OSBPL11: variants seen among roughly 807,000 people sequenced by gnomAD.
The protein encoded by OSBPL11 is oxysterol binding protein like 11.
In OSBPL11, 33 loss-of-function variants were observed where a neutral mutation model predicts 84.4. The ratio of observed to expected loss-of-function variants is 0.39; its 90% CI spans 0.30 to 0.52. OSBPL11 has a LOEUF of 0.52. Among genes scored for constraint, OSBPL11 ranks in the 20% least tolerant of loss-of-function variants. OSBPL11 has a pLI of 0.72. For synonymous variants in OSBPL11, 276 were observed against 310.2 expected, an observed-to-expected ratio of 0.89 and a Z score of 1.16; for missense variants, 736 against 901.1, an observed-to-expected ratio of 0.82 and a Z score of 2.35.
rs1936652600 is a variant in OSBPL11, at chr3:125,594,676, C to T, written c.125G>A (p.Ser42Asn). The T allele has an allele frequency of 6.2e-7, 1 of 1,613,914 alleles. No individual in the cohort carries two copies. Among genetic ancestry groups the T allele is most frequent in the Non-Finnish European group, 8.5e-7 (1 of 1,180,044 alleles). ...SSCGGGISSS[S>N]SSRGGSAKGW... Reference sequence around the variant, plus strand: ...TTTTGCACTGCCACCGCGGCTGCTGCTGCTGCTACTGATTCCACCTCCACA... The same window carrying T: ...TTTTGCACTGCCACCGCGGCTGCTGTTGCTGCTACTGATTCCACCTCCACA... Residue 42 changes from serine to asparagine, a missense_variant, in exon 1 of 13, where the codon AGC (serine) becomes AAC (asparagine). By Grantham distance (46) the Ser-to-Asn change is conservative (BLOSUM62 1). Around this residue, in one of 3 missense-constraint regions of OSBPL11, gnomAD observed 114 missense variants for 104.9 expected, o/e 1.09. Transcript: ENST00000296220.
At chr3:125,535,439 CT>C (rs763678488) in intron 11 of OSBPL11, among the ~76,000 whole-genome samples, 6,334 of 84,104 alleles carry the variant, frequency 0.075, 55 homozygotes, top group Middle Eastern at 0.13. Context: ...TCAGAAGCAT[CT>C]TTTTTTTTTT....
At chr3:125,567,333 A>G (rs780805080) in intron 6 of OSBPL11, 61 bp downstream of exon 6, 1 of 1,389,078 alleles carries the variant, frequency 7.2e-7, no homozygotes, top group African/African-American at 1.4e-5. Context: ...ATTACAACAA[A>G]TACAGTCCTT....
intron 1 of OSBPL11, among the ~76,000 whole-genome samples, chr3:125,586,369 G>A (rs1296384427): frequency 6.6e-6 from 1 of 152,092 alleles, no homozygotes. Flanking sequence ...GATTAGTAGT[G>A]GAAGCTGATA....
intron 10 of OSBPL11, among the ~76,000 whole-genome samples, chr3:125,546,655 T>C (rs892787861): frequency 1.4e-5 from 2 of 143,528 alleles, no homozygotes; most frequent in Non-Finnish European, 3.1e-5. Flanking sequence ...CTTTGGGAGG[T>C]TGAGGCAGGC....
intron 10 of OSBPL11, among the ~76,000 whole-genome samples, chr3:125,539,881 T>C (rs1935705157): frequency 6.6e-6 from 1 of 152,168 alleles, no homozygotes; most frequent in Admixed American, 6.5e-5. Flanking sequence ...CAAGAGAATA[T>C]GGCTTATCTA....
In OSBPL11 at chr3:125,576,274, G is replaced by A; in HGVS notation, c.581C>T (p.Ser194Phe). Residue 194 changes from serine to phenylalanine, a missense_variant, in exon 5 of 13, where the codon TCT becomes TTT. Transcript: ENST00000296220. ...TTTGGAATGTCCAACATTAAAAAAA[G>A]AAATGGCATTTTGACTTGGTCTCCT... Reference protein sequence around the residue: ...SQRRPSQNAISFFNVGHSKLQ... With the variant: ...SQRRPSQNAIFFFNVGHSKLQ... 1 of 1,610,554 alleles carries A rather than the reference G, an allele frequency of 6.2e-7. No homozygotes were observed. The highest frequency in any genetic ancestry group is 8.5e-7 in the Non-Finnish European group (1 of 1,178,914).
chr3:125,585,599 A>C (rs1390152166), intron 1 of OSBPL11, among the ~76,000 whole-genome samples: 1 of 151,976 alleles, frequency 6.6e-6, no homozygotes, highest in Non-Finnish European at 1.5e-5. Context: ...GCATAAAGTT[A>C]GTTTCAAAAG....
chr3:125,554,692 C>G (rs1248537959), intron 8 of OSBPL11, among the ~76,000 whole-genome samples: 1 of 151,808 alleles, frequency 6.6e-6, no homozygotes, highest in African/African-American at 2.4e-5. Context: ...ATATTATATA[C>G]ATACAAGAAT....
intron 9 of OSBPL11, among the ~76,000 whole-genome samples, chr3:125,551,487 C>T (rs1385912757): frequency 2.0e-5 from 3 of 151,646 alleles, no homozygotes; most frequent in East Asian, 1.9e-4. Flanking sequence ...TATTTAAAAT[C>T]GCCAGGCACG....
At chr3:125,564,755 A>G (rs1936130821) in intron 6 of OSBPL11, among the ~76,000 whole-genome samples, 1 of 151,862 alleles carries the variant, frequency 6.6e-6, no homozygotes, top group Non-Finnish European at 1.5e-5. Context: ...CCCAGGTTCA[A>G]GTGATTATCC....
At chr3:125,576,495 T>C (rs553214080) in intron 4 of OSBPL11, 130 bp from the exon 5 acceptor site, 23 of 623,540 alleles carry the variant, frequency 3.7e-5, no homozygotes, top group African/African-American at 1.9e-4. Flanking sequence ...GAATTGACTA[T>C]GAGAACATTT....
rs762631136 is a variant in OSBPL11 at position 125,531,880 on chromosome 3, G to T, written c.2159C>A (p.Thr720Asn). 2.5e-6 allele frequency: 4 copies of T among 1,610,614 alleles called. No individual in the cohort carries two copies. The Admixed American group carries it at 6.8e-5, about 27-fold the overall frequency. The stretch of plus-strand genomic sequence containing the variant: ...GCATACCTCTTTAATAAAATATTTG[G>T]TTTTCCAAGGTGTGCCTGTTTCAGT... Reference protein sequence around the residue: ...HRTETGTPWKTKYFIKEGDGW... With the variant: ...HRTETGTPWKNKYFIKEGDGW... Residue 720 changes from threonine (T) to asparagine (N), a missense_variant, in exon 12 of 13, where the codon ACC becomes AAC. Thr to Asn is a moderately conservative substitution (Grantham distance 65). Around this residue, in one of 3 missense-constraint regions of OSBPL11, gnomAD observed 579 missense variants for 717.6 expected, o/e 0.81. Coordinates refer to ENST00000296220, the MANE Select transcript of OSBPL11 (RefSeq NM_022776.5).
intron 5 of OSBPL11, among the ~76,000 whole-genome samples, chr3:125,575,955 T>C (rs943938962): frequency 5.3e-5 from 8 of 150,914 alleles, no homozygotes; most frequent in African/African-American, 1.7e-4. Context: ...TACTTGAGAA[T>C]TGAAAGATAC....
chr3:125,532,483 A>C (rs1935572320), intron 11 of OSBPL11, among the ~76,000 whole-genome samples: 1 of 152,042 alleles, frequency 6.6e-6, no homozygotes, highest in African/African-American at 2.4e-5. Flanking sequence ...TTGAGAAAGG[A>C]AACAAATGAG....
chr3:125,545,618 ATGTG>A (rs111370155), intron 10 of OSBPL11, among the ~76,000 whole-genome samples: 6 of 151,660 alleles, frequency 4.0e-5, no homozygotes, highest in East Asian at 1.9e-4. Context: ...ATATGTATAT[ATGTG>A]TGTGTGTGTG....
At chr3:125,572,955 C>A (rs1936264768) in intron 5 of OSBPL11, among the ~76,000 whole-genome samples, 1 of 143,644 alleles carries the variant, frequency 7.0e-6, no homozygotes, top group African/African-American at 2.6e-5. Context: ...AAGCAGACTG[C>A]AAGATATAAA....
intron 10 of OSBPL11, among the ~76,000 whole-genome samples, chr3:125,544,024 C>T (rs1032204395): frequency 3.3e-5 from 5 of 151,900 alleles, no homozygotes; most frequent in Non-Finnish European, 5.9e-5. Context: ...ATAAATTGTA[C>T]TAATCATCTA....
At chr3:125,586,717 A>C (rs1044158682) in intron 1 of OSBPL11, among the ~76,000 whole-genome samples, 2 of 151,912 alleles carry the variant, frequency 1.3e-5, no homozygotes, top group African/African-American at 4.8e-5. Flanking sequence ...GGGTTTCATC[A>C]TGTTGGTCAG....
intron 1 of OSBPL11, among the ~76,000 whole-genome samples, chr3:125,588,763 T>A (rs1208788200): frequency 1.3e-5 from 2 of 152,130 alleles, no homozygotes; most frequent in Non-Finnish European, 2.9e-5. Flanking sequence ...TAGCCTGGGA[T>A]ATAATGTTTA....
Sources: allele counts gnomAD v4.1 joint callset (sites outside exome capture counted in the v4.1 genomes callset), GRCh38; gene constraint gnomAD v4.1.1; regional missense constraint gnomAD v4.1.1; transcripts MANE v1.5; gene names NCBI Gene and HGNC (gene_info 2026-07-23, HGNC 2026-07-21).